Variants in RBFOX1 observed in about 807,000 individuals in gnomAD.
The protein encoded by RBFOX1 is RNA binding protein fox-1 homolog 1.
A neutral mutation model predicts 57.7 loss-of-function variants in RBFOX1; 8 were observed. That is an observed-to-expected ratio of 0.14 (90% CI 0.08 to 0.25). The LOEUF is 0.25. RBFOX1 is among the 10% of genes least tolerant of loss of function. The pLI, the probability that RBFOX1 is intolerant of heterozygous loss-of-function variation, is 1.00. For synonymous variants in RBFOX1, 326 were observed against 222.4 expected (o/e 1.47, Z -4.15); for missense variants, 611 against 548.5 (o/e 1.11, Z -1.14).
chr16:7,583,545 C>A (rs1387896163), intron 6 of RBFOX1, among the ~76,000 whole-genome samples: 1 of 152,108 alleles, frequency 6.6e-6, no homozygotes, highest in African/African-American at 2.4e-5. Flanking sequence ...TGTGATATAT[C>A]CAGACTTCTG....
chr16:6,873,442 G>C (rs562081097), intron 3 of RBFOX1, among the ~76,000 whole-genome samples: 1 of 152,032 alleles, frequency 6.6e-6, no homozygotes, highest in African/African-American at 2.4e-5. Context: ...TTTCAAATAG[G>C]CTTTCAATTT....
chr16:6,562,876 CTTTCTTT>C (rs2097200507), intron 2 of RBFOX1, among the ~76,000 whole-genome samples: 1 of 48,456 alleles, frequency 2.1e-5, no homozygotes, highest in African/African-American at 1.3e-4. Flanking sequence ...TTCTTTCTTT[CTTTCTTT>C]TTTTTTTTTT....
At chr16:5,499,177 A>G (rs373465919) in intron 2 of RBFOX1, among the ~76,000 whole-genome samples, 7 of 152,290 alleles carry the variant, frequency 4.6e-5, no homozygotes, top group Admixed American at 3.3e-4. Context: ...GAAACTGGCT[A>G]TATTTCATGT....
At chr16:6,106,800 T>A (rs2096385777) in intron 1 of RBFOX1, among the ~76,000 whole-genome samples, 1 of 152,156 alleles carries the variant, frequency 6.6e-6, no homozygotes, top group South Asian at 2.1e-4. Flanking sequence ...CCCAAGTAGC[T>A]GGGACCACAG....
At chr16:6,273,862 A>C (rs548174200) in intron 1 of RBFOX1, among the ~76,000 whole-genome samples, 1 of 152,116 alleles carries the variant, frequency 6.6e-6, no homozygotes, top group African/African-American at 2.4e-5. Flanking sequence ...AACTGAACCA[A>C]AAAAATCAAG....
chr16:7,000,126 TAA>T lies in RBFOX1; in HGVS notation c.-15-51929_-15-51928del, dbSNP rs1158104541. Among the ~76,000 whole-genome samples, 4 of 152,108 alleles carry T rather than the reference TAA, an allele frequency of 2.6e-5. No homozygotes were observed. The East Asian group carries it at 7.7e-4, about 29-fold the overall frequency. On this transcript the variant is annotated intron_variant, in intron 3 of 15. Transcript: ENST00000550418. ...AGGTGTCCAAACATCATATTATTTT[TAA>T]AGTTTTCAGTACTTACAATTAGAAT...
chr16:6,608,970 G>C (rs1423124977), intron 2 of RBFOX1, among the ~76,000 whole-genome samples: 1 of 152,084 alleles, frequency 6.6e-6, no homozygotes, highest in African/African-American at 2.4e-5. Flanking sequence ...CAAGTTCAAA[G>C]CCAGCCATGG....
At chr16:7,148,495 G>A (rs1351811025) in intron 4 of RBFOX1, among the ~76,000 whole-genome samples, 1 of 152,138 alleles carries the variant, frequency 6.6e-6, no homozygotes, top group Non-Finnish European at 1.5e-5. Context: ...TCACACGCCG[G>A]CAGGAGGCTG....
intron 3 of RBFOX1, among the ~76,000 whole-genome samples, chr16:5,834,821 G>C (rs1404446717): frequency 1.4e-5 from 2 of 147,934 alleles, no homozygotes; most frequent in Non-Finnish European, 3.0e-5. Flanking sequence ...TAGATAGATA[G>C]ACAGACAGAC....
intron 3 of RBFOX1, among the ~76,000 whole-genome samples, chr16:6,845,062 T>G (rs1038879544): frequency 6.6e-6 from 1 of 152,222 alleles, no homozygotes; most frequent in East Asian, 1.9e-4. Flanking sequence ...TTGAGTTCCT[T>G]GTACACTCTG....
chr16:7,034,447 C>T (rs115161886), intron 3 of RBFOX1, among the ~76,000 whole-genome samples: 2 of 152,060 alleles, frequency 1.3e-5, no homozygotes, highest in African/African-American at 2.4e-5. Context: ...TCTGCTTCTT[C>T]CCCCTTCTTC....
intron 4 of RBFOX1, among the ~76,000 whole-genome samples, chr16:7,401,951 C>T (rs1013125452): frequency 6.6e-5 from 10 of 152,150 alleles, no homozygotes; most frequent in Admixed American, 5.9e-4. Context: ...AGAGGAATGT[C>T]ATCTGTTAAT....
rs118157380 is a variant in RBFOX1, at chr16:6,345,962, G to T, written c.-64+28905G>T. 5.4e-3 allele frequency among the ~76,000 whole-genome samples: 816 copies of T among 152,294 alleles called. 4 individuals carry two copies. Among genetic ancestry groups the T allele is most frequent in the Non-Finnish European group, 9.4e-3 (637 of 68,032 alleles). On this transcript the variant is annotated intron_variant, in intron 2 of 15. Coordinates refer to ENST00000550418, the MANE Select transcript of RBFOX1 (RefSeq NM_018723.4). ...AAACAAAGGCAGGAAGACTCAAAGC[G>T]GGGAGGGGGATTCCAGGTCACAGAT...
At chr16:7,053,825 G>A (rs1255790618) in intron 4 of RBFOX1, among the ~76,000 whole-genome samples, 1 of 152,164 alleles carries the variant, frequency 6.6e-6, no homozygotes, top group African/African-American at 2.4e-5. Flanking sequence ...TCACGAACCA[G>A]TGCTTTGTTT....
intron 3 of RBFOX1, among the ~76,000 whole-genome samples, chr16:5,775,133 A>G (rs2054104436): frequency 1.3e-5 from 2 of 152,306 alleles, no homozygotes; most frequent in African/African-American, 2.4e-5. Context: ...AACAGAATGT[A>G]GTCCACACCC....
intron 1 of RBFOX1, among the ~76,000 whole-genome samples, chr16:5,311,616 T>C (rs1310506711): frequency 6.6e-6 from 1 of 152,210 alleles, no homozygotes; most frequent in Non-Finnish European, 1.5e-5. Context: ...GTGTATCTCA[T>C]TGTGGTTTTA....
rs1364254862 is a variant in RBFOX1 at position 6,057,863 on chromosome 16, T to C, written c.-127+37871T>C. 2.4e-4 allele frequency among the ~76,000 whole-genome samples: 29 copies of C among 122,032 alleles called. 1 individual carries two copies. The Admixed American group carries it at 2.6e-3, about 11-fold the overall frequency. The allele number at this position is 122,032 out of a possible 152,430, so 80.1% of individuals were successfully genotyped here. ...TTTTTTTTTTTGAGGCAAACATAACTTTGTTCAGGTTACCAGAAGTAGGCA... is the reference window on the plus strand; with the variant it reads ...TTTTTTTTTTTGAGGCAAACATAACCTTGTTCAGGTTACCAGAAGTAGGCA... On this transcript the variant is annotated intron_variant, in intron 1 of 15. Transcript: ENST00000550418.
chr16:5,581,174 T>C (rs1257549419), intron 2 of RBFOX1, among the ~76,000 whole-genome samples: 2 of 152,184 alleles, frequency 1.3e-5, no homozygotes, highest in Admixed American at 6.5e-5. Flanking sequence ...CATTTTTTTT[T>C]CTGACAGAAA....
chr16:7,508,767 G>A (rs972450228), intron 4 of RBFOX1, among the ~76,000 whole-genome samples: 5 of 152,098 alleles, frequency 3.3e-5, no homozygotes, highest in Admixed American at 6.6e-5. Flanking sequence ...CTTCCAGGCG[G>A]TCTCTTCCAC....
Sources: allele counts gnomAD v4.1 joint callset (sites outside exome capture counted in the v4.1 genomes callset), GRCh38; gene constraint gnomAD v4.1.1; transcripts MANE v1.5; gene names NCBI Gene and HGNC (gene_info 2026-07-23, HGNC 2026-07-21).